Variants in CDH12 observed in about 807,000 individuals in gnomAD.
The protein encoded by CDH12 is cadherin-12.
In CDH12, 41 loss-of-function variants were observed where a neutral mutation model predicts 74.1. That is an observed-to-expected ratio of 0.55 (90% CI 0.43 to 0.72). CDH12 has a LOEUF of 0.72. Ranked by LOEUF, CDH12 falls within the 30% of genes least tolerant of loss-of-function variation. The pLI is 0.00. For missense variants in CDH12, 945 were observed against 977.2 expected (o/e 0.97, Z 0.44); for synonymous variants, 399 against 355.0 (o/e 1.12, Z -1.39).
chr5:22,164,516 A>G, intron 4 of CDH12, among the ~76,000 whole-genome samples: 1 of 152,190 alleles, frequency 6.6e-6, no homozygotes. Context: ...ACAGCGAGTG[A>G]AAGCTCAGCT....
At chr5:21,857,905 G>T (rs557541088) in intron 6 of CDH12, among the ~76,000 whole-genome samples, 1 of 151,716 alleles carries the variant, frequency 6.6e-6, no homozygotes, top group African/African-American at 2.4e-5. Flanking sequence ...CTCTCTTCCT[G>T]GCTTCTCACT....
chr5:21,888,284 A>G (rs1429215602), intron 6 of CDH12, among the ~76,000 whole-genome samples: 1 of 152,176 alleles, frequency 6.6e-6, no homozygotes, highest in Non-Finnish European at 1.5e-5. Context: ...ATTTTTTCAT[A>G]TGAAACTTAG....
chr5:21,969,788 A>G (rs1756756464), intron 6 of CDH12, among the ~76,000 whole-genome samples: 1 of 152,166 alleles, frequency 6.6e-6, no homozygotes, highest in African/African-American at 2.4e-5. Context: ...ATCAAATAAT[A>G]AAAGTAACCA....
At chr5:22,667,312 C>G (rs184867230) in intron 1 of CDH12, among the ~76,000 whole-genome samples, 1 of 152,166 alleles carries the variant, frequency 6.6e-6, no homozygotes. Flanking sequence ...GTCATTTCCT[C>G]AGATCTCAGC....
At chr5:22,211,660 T>C (rs1751550298) in intron 4 of CDH12, among the ~76,000 whole-genome samples, 1 of 151,860 alleles carries the variant, frequency 6.6e-6, no homozygotes, top group Non-Finnish European at 1.5e-5. Flanking sequence ...AGAATTAATA[T>C]GGAATGGTTT....
chr5:22,189,337 AATG>A (rs1247066098), intron 4 of CDH12, among the ~76,000 whole-genome samples: 9 of 152,190 alleles, frequency 5.9e-5, no homozygotes, highest in Non-Finnish European at 1.0e-4. Context: ...ACAGTTCAAT[AATG>A]ATTATATACC....
intron 3 of CDH12, among the ~76,000 whole-genome samples, chr5:22,348,209 G>A (rs946530335): frequency 3.9e-5 from 6 of 152,142 alleles, no homozygotes; most frequent in Non-Finnish European, 7.4e-5. Flanking sequence ...ACAGGCTTCT[G>A]ACATTTTACT....
chr5:21,764,651 G>GAAAAAAAAAAA (rs369895363), intron 12 of CDH12, among the ~76,000 whole-genome samples: 31 of 108,976 alleles, frequency 2.8e-4, no homozygotes, highest in Non-Finnish European at 3.1e-4. Context: ...TTCATATCAA[G>GAAAAAAAAAAA]AAAAAAAAAA....
chr5:22,478,311 G>A (rs1331735968), intron 2 of CDH12, among the ~76,000 whole-genome samples: 1 of 151,312 alleles, frequency 6.6e-6, no homozygotes, highest in African/African-American at 2.4e-5. Flanking sequence ...CCAGCTACTC[G>A]GGAGGCTGAG....
At chr5:22,642,745 A>G (rs939403109) in intron 1 of CDH12, among the ~76,000 whole-genome samples, 5 of 152,170 alleles carry the variant, frequency 3.3e-5, no homozygotes. Context: ...TAGGATCACT[A>G]TGAAACATCG....
chr5:22,245,278 C>G (rs897672290), intron 3 of CDH12, among the ~76,000 whole-genome samples: 1 of 151,998 alleles, frequency 6.6e-6, no homozygotes, highest in Non-Finnish European at 1.5e-5. Flanking sequence ...TTTGGGAGAA[C>G]ATTTTTCAAA....
At chr5:22,846,936 G>C (rs1737331499) in intron 1 of CDH12, among the ~76,000 whole-genome samples, 1 of 93,838 alleles carries the variant, frequency 1.1e-5, no homozygotes. Flanking sequence ...GTATATGAAA[G>C]AATTTTTTTA....
intron 4 of CDH12, among the ~76,000 whole-genome samples, chr5:22,170,567 CTTATATATAAGCTTCTTATATATAAG>C (rs1198333237): frequency 2.4e-4 from 36 of 150,066 alleles, no homozygotes; most frequent in Non-Finnish European, 3.1e-4. Flanking sequence ...TTATATATAA[CTTATATATAAGCTTCTTATATATAAG>C]TTATATATAA....
chr5:21,849,146 C>T (rs962431004), intron 7 of CDH12, among the ~76,000 whole-genome samples: 1 of 151,786 alleles, frequency 6.6e-6, no homozygotes, highest in African/African-American at 2.4e-5. Flanking sequence ...AGAATTCTTT[C>T]TTCCTGTAAC....
chr5:22,516,656 A>G (rs77281892), intron 1 of CDH12, among the ~76,000 whole-genome samples: 1 of 151,984 alleles, frequency 6.6e-6, no homozygotes, highest in African/African-American at 2.4e-5. Flanking sequence ...TTAGCAGGGC[A>G]TGGTGATGCA....
At chr5:22,445,788 T>C (rs946196397) in intron 2 of CDH12, among the ~76,000 whole-genome samples, 11 of 152,102 alleles carry the variant, frequency 7.2e-5, no homozygotes, top group African/African-American at 2.4e-4. Context: ...GCTTGTCCTT[T>C]CTCTAAGGTA....
At chr5:22,829,927 C>T (rs1246083569) in intron 1 of CDH12, among the ~76,000 whole-genome samples, 1 of 152,154 alleles carries the variant, frequency 6.6e-6, no homozygotes, top group Non-Finnish European at 1.5e-5. Flanking sequence ...ACCTGAAAAA[C>T]CACAGCTTTT....
At chr5:21,969,366 C>G (rs1756731278) in intron 6 of CDH12, among the ~76,000 whole-genome samples, 1 of 151,850 alleles carries the variant, frequency 6.6e-6, no homozygotes, top group Non-Finnish European at 1.5e-5. Flanking sequence ...CTCAGTGATC[C>G]CAGCTTTCTT....
Position 22,458,083 on chromosome 5 carries a change from T to C in CDH12, c.-428+47187A>G, listed in dbSNP as rs562799997. 2.6e-5 allele frequency among the ~76,000 whole-genome samples: 4 copies of C among 152,154 alleles called. No individual in the cohort carries two copies. In the East Asian group the frequency reaches 7.8e-4, roughly 29 times the overall value. On this transcript the variant is annotated intron_variant, in intron 2 of 14. Coordinates refer to ENST00000382254, the MANE Select transcript of CDH12 (RefSeq NM_004061.5). ...TTAGTAGAGATGGGGTTTCACCATATTGGCCAGTCTGGTCTCGAACTGCTG... is the reference window on the plus strand; with the variant it reads ...TTAGTAGAGATGGGGTTTCACCATACTGGCCAGTCTGGTCTCGAACTGCTG...
Sources: allele counts gnomAD v4.1 joint callset (sites outside exome capture counted in the v4.1 genomes callset), GRCh38; gene constraint gnomAD v4.1.1; transcripts MANE v1.5; gene names NCBI Gene and HGNC (gene_info 2026-07-23, HGNC 2026-07-21).